The following WDR25 variants were observed in gnomAD, a reference collection of about 807,000 sequenced individuals.
The protein encoded by WDR25 is WD repeat-containing protein 25.
A neutral mutation model predicts 47.7 loss-of-function variants in WDR25; 35 were observed. The observed-to-expected ratio is 0.73, with a 90% confidence interval of 0.56 to 0.97. WDR25 has a LOEUF of 0.97. Among genes scored for constraint, WDR25 ranks in the 50% least tolerant of loss-of-function variants. The pLI, the probability that WDR25 is intolerant of heterozygous loss-of-function variation, is 0.00. For synonymous variants in WDR25, 248 were observed against 278.9 expected (o/e 0.89, Z 1.10); for missense variants, 634 against 704.7 (o/e 0.90, Z 1.14).
intron 2 of WDR25, among the ~76,000 whole-genome samples, chr14:100,391,905 G>T (rs1330052825): frequency 6.6e-6 from 1 of 152,162 alleles, no homozygotes; most frequent in Non-Finnish European, 1.5e-5. Flanking sequence ...TTTTCCAGAG[G>T]CTATGAGGCG....
Position 100,424,226 on chromosome 14 carries a change from C to T in WDR25, c.822+42480C>T, listed in dbSNP as rs1012171796. Among the ~76,000 whole-genome samples, 2 of 152,214 alleles carry T rather than the reference C, an allele frequency of 1.3e-5. No individual in the cohort carries two copies. The highest frequency in any genetic ancestry group is 2.9e-5 in the Non-Finnish European group (2 of 68,036). ...AGGCACTTCGATGCCCACACTACTT[C>T]CAGGGAGCTGAGTTTCAGAGCCTGT... On this transcript the variant is annotated intron_variant, in intron 2 of 6. Coordinates refer to ENST00000402312, the MANE Select transcript of WDR25 (RefSeq NM_001161476.3). This position sits in a 1 kb window ranked among gnomAD's most constrained non-coding sequence, Gnocchi z 4.2.
chr14:100,407,892 G>A lies in WDR25; in HGVS notation c.822+26146G>A, dbSNP rs1897590559. On this transcript the variant is annotated intron_variant, in intron 2 of 6. Transcript: ENST00000402312. The surrounding 1 kb of genome is among the most constrained non-coding windows in gnomAD (Gnocchi z 4.1). ...GTGTGCTGGGCTCCCAGACACATAT[G>A]TCACAGTGAGCTGTGGGAATGACCC... Among the ~76,000 whole-genome samples, 4 of 152,256 alleles carry A rather than the reference G, an allele frequency of 2.6e-5. No individual in the cohort carries two copies. The highest frequency in any genetic ancestry group is 2.6e-4 in the Admixed American group (4 of 15,302).
At chr14:100,444,799 A>G (rs1212780507) in intron 2 of WDR25, among the ~76,000 whole-genome samples, 1 of 152,216 alleles carries the variant, frequency 6.6e-6, no homozygotes, top group Non-Finnish European at 1.5e-5. Context: ...GTGTGTACCG[A>G]CACTGCGCTC....
At chr14:100,505,780 CAT>C (rs1226793629) in intron 4 of WDR25, among the ~76,000 whole-genome samples, 3 of 152,100 alleles carry the variant, frequency 2.0e-5, no homozygotes, top group South Asian at 4.1e-4. Context: ...TGATGTTACA[CAT>C]GTTGTATTAA....
At chr14:100,482,061 A>G (rs1223597218) in intron 3 of WDR25, among the ~76,000 whole-genome samples, 3 of 152,170 alleles carry the variant, frequency 2.0e-5, no homozygotes, top group Non-Finnish European at 4.4e-5. Context: ...CTCAACCAAT[A>G]AAATCTCAAT....
chr14:100,520,297 A>G (rs1901674435), intron 4 of WDR25, among the ~76,000 whole-genome samples: 1 of 151,858 alleles, frequency 6.6e-6, no homozygotes, highest in African/African-American at 2.4e-5. Context: ...GGATTACAGA[A>G]TTTTCTTTAC....
intron 4 of WDR25, among the ~76,000 whole-genome samples, chr14:100,484,838 CA>C (rs755558091): frequency 6.6e-6 from 1 of 152,210 alleles, no homozygotes; most frequent in Non-Finnish European, 1.5e-5. Context: ...GGGATGGTTG[CA>C]GGAGTTTCCC....
chr14:100,526,027 A>T lies in WDR25; in HGVS notation c.1259A>T (p.Asn420Ile). ...TTCCGGACCTCTGCCAAAATCTCCA[A>T]CCAGATTTTCCACGTAAGAAATCCC... ...WDFRTSAKISNQIFHERFTCP... is the reference protein window; with the variant it reads ...WDFRTSAKISIQIFHERFTCP... Residue 420 changes from asparagine (N) to isoleucine (I), a missense_variant, in exon 5 of 7, where the codon AAC becomes ATC. Physicochemically the swap from Asn to Ile is moderately radical, Grantham distance 149 (BLOSUM62 -3). Transcript: ENST00000402312. 6.2e-7 allele frequency: 1 copy of T among 1,614,060 alleles called. No homozygotes were observed. The highest frequency in any genetic ancestry group is 8.5e-7 in the Non-Finnish European group (1 of 1,179,962).
chr14:100,473,973 G>A (rs1386684908), intron 3 of WDR25, among the ~76,000 whole-genome samples: 1 of 152,224 alleles, frequency 6.6e-6, no homozygotes, highest in Non-Finnish European at 1.5e-5. Context: ...ATACTTACAT[G>A]TACATGCTCC....
At chr14:100,463,130 T>G (rs996298079) in intron 2 of WDR25, among the ~76,000 whole-genome samples, 3 of 150,894 alleles carry the variant, frequency 2.0e-5, no homozygotes, top group Non-Finnish European at 4.4e-5. Flanking sequence ...CCATCCTGTG[T>G]TTCTTTTTTC....
At chr14:100,497,422 A>T (rs1250665220) in intron 4 of WDR25, among the ~76,000 whole-genome samples, 1 of 152,164 alleles carries the variant, frequency 6.6e-6, no homozygotes, top group Non-Finnish European at 1.5e-5. Context: ...GCACAGCTCT[A>T]CTACAGTCCT....
intron 2 of WDR25, among the ~76,000 whole-genome samples, chr14:100,417,580 C>T (rs900610677): frequency 6.6e-6 from 1 of 152,202 alleles, no homozygotes; most frequent in Non-Finnish European, 1.5e-5. Context: ...CTTCCTCCTC[C>T]AGGGAGGGAG....
At position 100,529,198 on chromosome 14, in the gene WDR25, A is replaced by G. The variant is rs1435838852; in HGVS notation, c.1403A>G (p.Glu468Gly). The G allele has an allele frequency of 6.2e-7, 1 of 1,613,346 alleles. No individual in the cohort carries two copies. Among genetic ancestry groups the G allele is most frequent in the Non-Finnish European group, 8.5e-7 (1 of 1,179,784 alleles). Reference protein sequence around the residue: ...PYRMSRRRRYEGHKVEGYSVG... With the variant: ...PYRMSRRRRYGGHKVEGYSVG... ...CGGATGAGCAGACGGCGGCGCTATG[A>G]AGGGCACAAGGTACTTCTGTCCTTG... is the stretch of plus-strand genomic sequence containing the variant. The change falls in exon 6 of 7, where the codon GAA becomes GGA. Residue 468 changes from glutamate (E) to glycine (G), a missense_variant. Glu to Gly is a moderately conservative substitution (Grantham distance 98). Coordinates refer to ENST00000402312, the MANE Select transcript of WDR25 (RefSeq NM_001161476.3). This position sits in a 1 kb window ranked among gnomAD's most constrained non-coding sequence, Gnocchi z 5.1.
intron 2 of WDR25, among the ~76,000 whole-genome samples, chr14:100,391,914 C>T (rs73357472): frequency 0.024 from 3,644 of 152,228 alleles, 157 homozygotes; most frequent in African/African-American, 0.084. Context: ...GGCTATGAGG[C>T]GTGTGCTTTT....
intron 4 of WDR25, among the ~76,000 whole-genome samples, chr14:100,485,108 T>C (rs1900338855): frequency 6.6e-6 from 1 of 152,168 alleles, no homozygotes; most frequent in Non-Finnish European, 1.5e-5. Flanking sequence ...AGCACATTCC[T>C]GTCTCAGGGC....
chr14:100,475,943 A>G (rs956435705), intron 3 of WDR25, among the ~76,000 whole-genome samples: 5 of 152,190 alleles, frequency 3.3e-5, no homozygotes, highest in African/African-American at 1.2e-4. Flanking sequence ...GAAACAAAAA[A>G]GAATGGGAAG....
At position 100,407,380 on chromosome 14, in the gene WDR25, T is replaced by A. The variant is rs1012939110; in HGVS notation, c.822+25634T>A. 2.0e-5 allele frequency: 3 copies of A among 152,174 alleles called. No individual in the cohort carries two copies. The highest frequency in any genetic ancestry group is 2.9e-5 in the Non-Finnish European group (2 of 68,042). 9.4% of individuals were successfully genotyped at this position (152,174 alleles called of 1,614,324 possible). A position where few individuals can be genotyped will look rare whatever the true frequency, so the allele number is the denominator to read the frequency against. On this transcript the variant is annotated intron_variant, in intron 2 of 6. Coordinates refer to ENST00000402312, the MANE Select transcript of WDR25 (RefSeq NM_001161476.3). The surrounding 1 kb of genome is among the most constrained non-coding windows in gnomAD (Gnocchi z 4.1). Reference sequence around the variant, plus strand: ...GGAAAGCTTTTAATTCAAAGCCCTATCCATCTTCCCAACTCAGGTGAGATG... The same window carrying A: ...GGAAAGCTTTTAATTCAAAGCCCTAACCATCTTCCCAACTCAGGTGAGATG...
At chr14:100,503,043 C>G (rs780858454) in intron 4 of WDR25, among the ~76,000 whole-genome samples, 11 of 150,944 alleles carry the variant, frequency 7.3e-5, no homozygotes, top group Non-Finnish European at 1.3e-4. Context: ...GTGTCTGTGT[C>G]CGTGTGTGTG....
chr14:100,451,014 G>C (rs1212057021), intron 2 of WDR25, among the ~76,000 whole-genome samples: 1 of 152,188 alleles, frequency 6.6e-6, no homozygotes, highest in African/African-American at 2.4e-5. Context: ...AAATTACAGA[G>C]AATGGGAGGG....
Sources: gnomAD v4.1 joint callset for allele counts (sites outside exome capture counted in the v4.1 genomes callset) on GRCh38, gnomAD v4.1.1 for gene constraint, Gnocchi (gnomAD v3.1) non-coding constraint, MANE v1.5 for transcripts, NCBI Gene and HGNC (gene_info 2026-07-23, HGNC 2026-07-21) for gene names.